UTP20: variants seen among roughly 807,000 people sequenced by gnomAD.
The protein encoded by UTP20 is UTP20 small subunit processome component.
UTP20 carries 164 observed loss-of-function variants against 329.5 expected under a neutral mutation model. That is an observed-to-expected ratio of 0.50 (90% CI 0.44 to 0.57). The LOEUF is 0.57. UTP20 is among the 20% of genes least tolerant of loss of function. UTP20 has a pLI of 0.00. For missense variants in UTP20, 3,055 were observed against 3,284.2 expected, an observed-to-expected ratio of 0.93 and a Z score of 1.71; for synonymous variants, 1,151 against 1,159.3, an observed-to-expected ratio of 0.99 and a Z score of 0.14.
Position 101,344,706 on chromosome 12 carries a change from T to G in UTP20, c.4561T>G (p.Ser1521Ala). The change falls in exon 36 of 62, where the codon TCA (serine) becomes GCA (alanine). Residue 1521 changes from serine (S) to alanine (A), a missense_variant. Physicochemically the swap from Ser to Ala is moderately conservative, Grantham distance 99. Transcript: ENST00000261637. ...AGACTATAGAGAAATCATCCACCGTTCACTCCTGGAGAAATTGAGAAAAGG... is the reference window on the plus strand; with the variant it reads ...AGACTATAGAGAAATCATCCACCGTGCACTCCTGGAGAAATTGAGAAAAGG... ...EKDYREIIHR[S>A]LLEKLRKGLK... 6.2e-7 allele frequency: 1 copy of G among 1,613,864 alleles called. No homozygotes were observed. Among genetic ancestry groups the G allele is most frequent in the Non-Finnish European group, 8.5e-7 (1 of 1,179,780 alleles).
At chr12:101,299,583 A>C in intron 12 of UTP20, 99 bp from the exon 13 acceptor site, 1 of 1,177,474 alleles carries the variant, frequency 8.5e-7, no homozygotes, top group African/African-American at 1.5e-5. Context: ...CCTTCCCTCT[A>C]ATGCTCCACA....
chr12:101,353,877 G>T (rs146496683), intron 40 of UTP20, among the ~76,000 whole-genome samples: 1,756 of 152,220 alleles, frequency 0.012, 33 homozygotes, highest in African/African-American at 0.04. Context: ...TGGCTGAGAT[G>T]TACAAATTCT....
At chr12:101,329,864 G>A (rs946579219) in intron 27 of UTP20, among the ~76,000 whole-genome samples, 4 of 151,752 alleles carry the variant, frequency 2.6e-5, no homozygotes, top group African/African-American at 9.7e-5. Context: ...AATTAGCCAG[G>A]TGCGGTAGTG....
rs1330692306 is a variant in UTP20, at chr12:101,310,595, A to AAAAAAAAAAAAAAAAAAAAAAAG, written c.2231+759_2231+760insAAAAAAAAAAAAAAAAAAAGAAA. ...TGTCTCCCAAAAAAAAAAAAAAAAAAAAATACATGTTATGGCTCATGTGTA... is the reference window on the plus strand; with the variant it reads ...TGTCTCCCAAAAAAAAAAAAAAAAAAAAAAAAAAAAAAAAAAAAAAAAGAAATACATGTTATGGCTCATGTGTA... On this transcript the variant is annotated intron_variant, in intron 19 of 61. Transcript: ENST00000261637. Among the ~76,000 whole-genome samples, 18 of 121,740 alleles carry AAAAAAAAAAAAAAAAAAAAAAAG rather than the reference A, an allele frequency of 1.5e-4. 2 individuals are homozygous for AAAAAAAAAAAAAAAAAAAAAAAG. Among genetic ancestry groups the AAAAAAAAAAAAAAAAAAAAAAAG allele is most frequent in the South Asian group, 2.8e-4 (1 of 3,520 alleles). 79.9% of individuals were successfully genotyped at this position (121,740 alleles called of 152,430 possible).
chr12:101,329,910 A>G (rs900511637), intron 27 of UTP20, among the ~76,000 whole-genome samples: 10 of 151,576 alleles, frequency 6.6e-5, no homozygotes, highest in Admixed American at 2.0e-4. Context: ...TGAGAGGATC[A>G]CTTGATCCCA....
chr12:101,308,126 T>C lies in UTP20; in HGVS notation c.1996-59T>C. On this transcript the variant is annotated intron_variant, in intron 17 of 61. Transcript: ENST00000261637. The stretch of plus-strand genomic sequence containing the variant: ...TTAGACCTTTGGTCACATTTAATGT[T>C]CTTTTTGGAAAATCAAAATACTGAC... 5.6e-6 allele frequency: 8 copies of C among 1,428,716 alleles called. No homozygotes were observed. The South Asian group carries it at 1.2e-4, about 21-fold the overall frequency. 88.5% of individuals were successfully genotyped at this position (1,428,716 alleles called of 1,614,324 possible). A position where few individuals can be genotyped will look rare whatever the true frequency, so the allele number is the denominator to read the frequency against.
chr12:101,291,372 T>C lies in UTP20; in HGVS notation c.892-370T>C, dbSNP rs555056382. ...GAGTTCGAGACCAGCCTGAACAACATGGAGAAACGCTGTCTCTACTAAAAA... is the reference window on the plus strand; with the variant it reads ...GAGTTCGAGACCAGCCTGAACAACACGGAGAAACGCTGTCTCTACTAAAAA... On this transcript the variant is annotated intron_variant, in intron 8 of 61. Transcript: ENST00000261637. 22 of 164,260 alleles carry C rather than the reference T, an allele frequency of 1.3e-4. No individual in the cohort carries two copies. The East Asian group carries it at 3.9e-3, about 29-fold the overall frequency. 10.2% of individuals were successfully genotyped at this position (164,260 alleles called of 1,614,324 possible).
chr12:101,312,911 T>C (rs1319513685), intron 21 of UTP20, among the ~76,000 whole-genome samples: 1 of 152,208 alleles, frequency 6.6e-6, no homozygotes, highest in Non-Finnish European at 1.5e-5. Flanking sequence ...GGTTACAGTA[T>C]AAGAAGGGCC....
At chr12:101,383,438 T>G in intron 59 of UTP20, 105 bp from the exon 60 acceptor site, 1 of 1,507,570 alleles carries the variant, frequency 6.6e-7, no homozygotes. Context: ...AGCAATAACA[T>G]CCGTCCCAAA....
intron 38 of UTP20, among the ~76,000 whole-genome samples, chr12:101,351,045 C>T (rs888335265): frequency 6.6e-6 from 1 of 152,092 alleles, no homozygotes; most frequent in Non-Finnish European, 1.5e-5. Context: ...ATTAATAAGC[C>T]TCACTTTATT....
chr12:101,374,321 A>G (rs1446384645), intron 54 of UTP20, among the ~76,000 whole-genome samples: 1 of 152,228 alleles, frequency 6.6e-6, no homozygotes, highest in African/African-American at 2.4e-5. Flanking sequence ...CACTACATGA[A>G]TGTAACATAA....
intron 15 of UTP20, 43 bp from the exon 16 acceptor site, chr12:101,305,872 G>A: frequency 1.3e-6 from 2 of 1,516,224 alleles, no homozygotes; most frequent in Non-Finnish European, 1.8e-6. Flanking sequence ...AGATACTCTG[G>A]GTTATATGGT....
At chr12:101,370,972 C>G (rs1446677312) in intron 50 of UTP20, 86 bp from the exon 51 acceptor site, 1 of 1,102,914 alleles carries the variant, frequency 9.1e-7, no homozygotes, top group African/African-American at 1.6e-5. Context: ...TGAAAATGTC[C>G]TGTGGTTGCT....
chr12:101,348,546 T>C (rs1869407559), intron 38 of UTP20, among the ~76,000 whole-genome samples: 2 of 151,970 alleles, frequency 1.3e-5, no homozygotes, highest in South Asian at 2.1e-4. Context: ...AGAAAAGGTC[T>C]TTTATATTTG....
intron 39 of UTP20, 74 bp downstream of exon 39, chr12:101,352,268 A>T: frequency 6.8e-7 from 1 of 1,460,656 alleles, no homozygotes; most frequent in African/African-American, 1.4e-5. Context: ...CATGGTATAT[A>T]TGTGCCACAT....
intron 45 of UTP20, 47 bp downstream of exon 45, chr12:101,363,790 T>A (rs751782528): frequency 1.5e-6 from 2 of 1,302,970 alleles, no homozygotes; most frequent in Non-Finnish European, 2.2e-6. Context: ...TACAATCTCA[T>A]GAGTTCCTAA....
intron 31 of UTP20, 64 bp downstream of exon 31, chr12:101,339,021 T>C: frequency 6.7e-7 from 1 of 1,496,466 alleles, no homozygotes; most frequent in Non-Finnish European, 8.9e-7. Flanking sequence ...TTTTAAAAAA[T>C]TATTATCTTG....
At chr12:101,373,293 AT>A in intron 52 of UTP20, 107 bp from the exon 53 acceptor site, 3 of 1,113,752 alleles carry the variant, frequency 2.7e-6, no homozygotes, top group Non-Finnish European at 2.6e-6. Flanking sequence ...AGCATTTTCC[AT>A]TTTTTTAAGA....
intron 1 of UTP20, 67 bp from the exon 2 acceptor site, chr12:101,281,049 C>G: frequency 7.4e-7 from 1 of 1,351,932 alleles, no homozygotes; most frequent in East Asian, 2.5e-5. Flanking sequence ...ATGCAGCATT[C>G]AAATAGATAT....
Sources: gnomAD v4.1 joint callset for allele counts (sites outside exome capture counted in the v4.1 genomes callset) on GRCh38, gnomAD v4.1.1 for gene constraint, MANE v1.5 for transcripts, NCBI Gene and HGNC (gene_info 2026-07-23, HGNC 2026-07-21) for gene names.